SYNRG: variants seen among roughly 807,000 people sequenced by gnomAD.
SYNRG encodes AP1 gamma subunit binding protein 1.
SYNRG carries 37 observed loss-of-function variants against 130.9 expected under a neutral mutation model. The observed-to-expected ratio is 0.28, with a 90% CI of 0.22 to 0.37. The LOEUF is 0.37. Among genes scored for constraint, SYNRG ranks in the 10% least tolerant of loss-of-function variants. The pLI is 1.00. For synonymous variants in SYNRG, 539 were observed against 568.1 expected, an observed-to-expected ratio of 0.95 and a Z score of 0.73; for missense variants, 1,338 against 1,588.9, an observed-to-expected ratio of 0.84 and a Z score of 2.68.
intron 8 of SYNRG, among the ~76,000 whole-genome samples, chr17:37,572,646 G>C (rs2060519271): frequency 6.6e-6 from 1 of 152,118 alleles, no homozygotes; most frequent in Non-Finnish European, 1.5e-5. Flanking sequence ...AGAGCAATGG[G>C]AAGTAAGAAT....
chr17:37,535,245 G>A, intron 19 of SYNRG, among the ~76,000 whole-genome samples: 1 of 151,868 alleles, frequency 6.6e-6, no homozygotes, highest in Middle Eastern at 3.2e-3. Flanking sequence ...TTGGAACACT[G>A]CAAAGCCTCT....
At chr17:37,588,242 G>A (rs2061849789) in intron 3 of SYNRG, among the ~76,000 whole-genome samples, 1 of 150,096 alleles carries the variant, frequency 6.7e-6, no homozygotes, top group African/African-American at 2.5e-5. Context: ...AAAACATTGA[G>A]GATTCACTTT....
intron 7 of SYNRG, among the ~76,000 whole-genome samples, chr17:37,577,096 G>A (rs1381873634): frequency 6.6e-6 from 1 of 152,144 alleles, no homozygotes; most frequent in East Asian, 1.9e-4. Context: ...GGAAAAAAGA[G>A]AGTTTTTATA....
chr17:37,539,965 G>T (rs757080562), intron 16 of SYNRG, among the ~76,000 whole-genome samples: 23 of 152,212 alleles, frequency 1.5e-4, no homozygotes, highest in Non-Finnish European at 3.2e-4. Context: ...AGTAGGGAAA[G>T]GTGGGAAATT....
At chr17:37,529,918 G>A (rs2056440427) in intron 19 of SYNRG, 2 of 1,437,330 alleles carry the variant, frequency 1.4e-6, no homozygotes, top group Non-Finnish European at 1.9e-6. Flanking sequence ...AGTGTTAACT[G>A]CAGTAAGAAC....
chr17:37,569,999 G>T (rs1229596340), intron 10 of SYNRG, among the ~76,000 whole-genome samples: 1 of 152,086 alleles, frequency 6.6e-6, no homozygotes, highest in Non-Finnish European at 1.5e-5. Flanking sequence ...CCTCCTGTTG[G>T]ATATTTAGCT....
intron 6 of SYNRG, among the ~76,000 whole-genome samples, chr17:37,577,988 C>T (rs1256231206): frequency 6.6e-6 from 1 of 151,354 alleles, no homozygotes; most frequent in Non-Finnish European, 1.5e-5. Context: ...AAGTGAGCCA[C>T]GGTGCCCAGC....
intron 12 of SYNRG, 88 bp downstream of exon 12, chr17:37,561,383 G>C: frequency 2.1e-6 from 3 of 1,421,894 alleles, no homozygotes; most frequent in Non-Finnish European, 3.0e-6. Context: ...TACATATTTA[G>C]CACAGAAGAC....
At chr17:37,563,959 T>C (rs1259799248) in intron 11 of SYNRG, among the ~76,000 whole-genome samples, 3 of 151,846 alleles carry the variant, frequency 2.0e-5, no homozygotes, top group African/African-American at 7.3e-5. Flanking sequence ...TTCTCCTGCC[T>C]CAGCCTCCCA....
intron 16 of SYNRG, 130 bp from the exon 17 acceptor site, chr17:37,539,375 T>G (rs1186814941): frequency 5.1e-6 from 5 of 974,702 alleles, no homozygotes; most frequent in Non-Finnish European, 6.0e-6. Context: ...GCAGTTTATG[T>G]TTTTTTTGTT....
intron 21 of SYNRG, among the ~76,000 whole-genome samples, chr17:37,519,920 T>G (rs1414295401): frequency 6.6e-6 from 1 of 152,200 alleles, no homozygotes; most frequent in Non-Finnish European, 1.5e-5. Context: ...AGTTGCTCAT[T>G]CTGTCACCCC....
At chr17:37,598,730 C>T (rs943902620) in intron 2 of SYNRG, among the ~76,000 whole-genome samples, 1 of 152,128 alleles carries the variant, frequency 6.6e-6, no homozygotes. Flanking sequence ...ATCTCCAAAC[C>T]AATTCCAAAT....
intron 19 of SYNRG, among the ~76,000 whole-genome samples, chr17:37,531,172 G>T (rs1004035659): frequency 1.3e-5 from 2 of 152,198 alleles, no homozygotes; most frequent in African/African-American, 4.8e-5. Flanking sequence ...GTTCAAGGCT[G>T]TAGTGAGCCG....
rs1213414771 is a variant in SYNRG at position 37,520,608 on chromosome 17, C to G, written c.3707G>C (p.Arg1236Pro). ...CTCCTGAGCATTTTTAATCCCAGGC[C>G]GTAACATACAGGAGGAAAAATCCAG... ...NSLDFSSCML[R>P]PGIKNAQELA... Residue 1236 changes from arginine to proline, a missense_variant, in exon 20 of 22, where the codon CGG (arginine) becomes CCG (proline). This residue lies in a region of SYNRG where 1,146 missense variants were observed against 1,342.3 expected (regional missense o/e 0.85). Transcript: ENST00000612223. The G allele has an allele frequency of 6.2e-7, 1 of 1,614,132 alleles. No homozygotes were observed. The highest frequency in any genetic ancestry group is 8.5e-7 in the Non-Finnish European group (1 of 1,180,026).
chr17:37,565,048 G>A (rs1185940544), intron 11 of SYNRG, among the ~76,000 whole-genome samples: 1 of 152,208 alleles, frequency 6.6e-6, no homozygotes, highest in East Asian at 1.9e-4. Context: ...CAGATCACCT[G>A]AGGTCAGGAG....
chr17:37,571,089 T>C (rs2060400092), intron 9 of SYNRG, among the ~76,000 whole-genome samples: 3 of 152,226 alleles, frequency 2.0e-5, no homozygotes, highest in Non-Finnish European at 4.4e-5. Context: ...CACATATCAG[T>C]TCTGACATTT....
intron 3 of SYNRG, among the ~76,000 whole-genome samples, chr17:37,593,923 T>C (rs2062442558): frequency 6.6e-6 from 1 of 151,226 alleles, no homozygotes; most frequent in Non-Finnish European, 1.5e-5. Flanking sequence ...AACAGTATAA[T>C]GCCTGTCAGC....
chr17:37,569,269 G>A (rs549759399), intron 10 of SYNRG, among the ~76,000 whole-genome samples: 6 of 152,058 alleles, frequency 3.9e-5, no homozygotes, highest in African/African-American at 7.3e-5. Context: ...AATTAGCTGC[G>A]CATGGTGGCA....
chr17:37,564,423 A>G (rs551729916), intron 11 of SYNRG, among the ~76,000 whole-genome samples: 143 of 152,358 alleles, frequency 9.4e-4, no homozygotes, highest in African/African-American at 3.3e-3. Context: ...CAGCAAGATT[A>G]CCATGGCAAC....
Sources: allele counts gnomAD v4.1 joint callset (sites outside exome capture counted in the v4.1 genomes callset), GRCh38; gene constraint gnomAD v4.1.1; regional missense constraint gnomAD v4.1.1; transcripts MANE v1.5; gene names NCBI Gene and HGNC (gene_info 2026-07-23, HGNC 2026-07-21).